TMTC3: variants seen among roughly 807,000 people sequenced by gnomAD.
TMTC3 encodes the protein protein O-mannosyl-transferase TMTC3.
TMTC3 carries 52 observed loss-of-function variants against 92.2 expected under a neutral mutation model. The observed-to-expected ratio is 0.56, with a 90% CI of 0.45 to 0.71. TMTC3 has a LOEUF of 0.71. Among genes scored for constraint, TMTC3 ranks in the 30% least tolerant of loss-of-function variants. TMTC3 has a pLI of 0.00. For synonymous variants in TMTC3, 339 were observed against 363.3 expected (o/e 0.93, Z 0.76); for missense variants, 896 against 1,057.1 (o/e 0.85, Z 2.11).
At position 88,195,877 on chromosome 12, in the gene TMTC3, G is replaced by A. The variant is rs913155837; in HGVS notation, c.*228G>A. ...GTGAATATAGCAGAAATATTACAGC[G>A]GAAGTGACAAATTTACAACTTTTAT... is the stretch of plus-strand genomic sequence containing the variant. On this transcript the variant is annotated 3_prime_UTR_variant, in exon 14 of 14. Coordinates refer to ENST00000266712, the MANE Select transcript of TMTC3 (RefSeq NM_181783.4). 7 of 334,418 alleles carry A rather than the reference G, an allele frequency of 2.1e-5. No homozygotes were observed. The highest frequency in any genetic ancestry group is 4.3e-5 in the African/African-American group (2 of 46,596). 20.7% of individuals were successfully genotyped at this position (334,418 alleles called of 1,614,324 possible). A position where few individuals can be genotyped will look rare whatever the true frequency, so the allele number is the denominator to read the frequency against.
At position 88,166,716 on chromosome 12, in the gene TMTC3, TA is replaced by T. The variant is rs1186685963; in HGVS notation, c.1050+135del. The stretch of plus-strand genomic sequence containing the variant: ...TCAACGGCATCCCAATTTATAAACG[TA>T]TTTGAGTTTATCCCAAAATTCTCAG... On this transcript the variant is annotated intron_variant, in intron 7 of 13. Coordinates refer to ENST00000266712, the MANE Select transcript of TMTC3 (RefSeq NM_181783.4). 1.0e-5 allele frequency: 10 copies of T among 987,924 alleles called. No individual in the cohort carries two copies. In the African/African-American group the frequency reaches 1.3e-4, roughly 13 times the overall value. The allele number at this position is 987,924 out of a possible 1,614,324, so 61.2% of individuals were successfully genotyped here. A position where few individuals can be genotyped will look rare whatever the true frequency, so the allele number is the denominator to read the frequency against.
chr12:88,185,963 T>C (rs934887611), intron 10 of TMTC3, among the ~76,000 whole-genome samples: 2 of 152,178 alleles, frequency 1.3e-5, no homozygotes, highest in Non-Finnish European at 2.9e-5. Flanking sequence ...TACATCTATA[T>C]TTATGAAGGA....
chr12:88,179,024 T>G (rs951388062), intron 10 of TMTC3, among the ~76,000 whole-genome samples: 1 of 152,198 alleles, frequency 6.6e-6, no homozygotes, highest in Non-Finnish European at 1.5e-5. Context: ...TTGCTGTTTT[T>G]GAGATATTTG....
At chr12:88,147,139 T>G (rs927573731) in intron 1 of TMTC3, among the ~76,000 whole-genome samples, 1 of 151,780 alleles carries the variant, frequency 6.6e-6, no homozygotes, top group African/African-American at 2.4e-5. Flanking sequence ...AGCTAATGTA[T>G]CAAGTCTCCA....
At chr12:88,147,969 C>T (rs1361054959) in intron 1 of TMTC3, among the ~76,000 whole-genome samples, 1 of 152,032 alleles carries the variant, frequency 6.6e-6, no homozygotes, top group Non-Finnish European at 1.5e-5. Flanking sequence ...GCTGCCTTTT[C>T]CCTGTTATCA....
intron 10 of TMTC3, among the ~76,000 whole-genome samples, chr12:88,187,359 A>G (rs1282840106): frequency 1.3e-5 from 2 of 152,204 alleles, no homozygotes; most frequent in African/African-American, 4.8e-5. Flanking sequence ...ATTCTACATC[A>G]GAATTGCCTT....
intron 1 of TMTC3, among the ~76,000 whole-genome samples, chr12:88,147,316 A>G (rs1396985479): frequency 6.6e-6 from 1 of 152,108 alleles, no homozygotes; most frequent in Non-Finnish European, 1.5e-5. Context: ...ACAGTTTGTC[A>G]CCCCAAGTGA....
At chr12:88,144,391 C>A (rs1258076162) in intron 1 of TMTC3, among the ~76,000 whole-genome samples, 1 of 151,706 alleles carries the variant, frequency 6.6e-6, no homozygotes, top group African/African-American at 2.4e-5. Flanking sequence ...TCTGTTTTCT[C>A]TAACACCTTT....
chr12:88,174,757 T>C, intron 9 of TMTC3, 30 bp downstream of exon 9: 1 of 1,609,088 alleles, frequency 6.2e-7, no homozygotes, highest in Non-Finnish European at 8.5e-7. Flanking sequence ...GACAGGAAAG[T>C]ATGTCATCAG....
chr12:88,166,200 T>G, intron 6 of TMTC3, 130 bp from the exon 7 acceptor site: 1 of 893,946 alleles, frequency 1.1e-6, no homozygotes, highest in Non-Finnish European at 1.7e-6. Context: ...GAGGTACACA[T>G]AACATTTGTC....
In TMTC3 at chr12:88,153,319, T is replaced by C; in HGVS notation, c.218T>C (p.Leu73Ser). ...AGAAGCCACAAGTCTTACCGTCCCT[T>C]AACAGTATTGACATTTCGCTTAAAT... Reference protein sequence around the residue: ...EERSHKSYRPLTVLTFRLNYL... With the variant: ...EERSHKSYRPSTVLTFRLNYL... Residue 73 changes from leucine to serine, a missense_variant, in exon 3 of 14, where the codon TTA (leucine) becomes TCA (serine). By Grantham distance (145) the Leu-to-Ser change is moderately radical. Coordinates refer to ENST00000266712, the MANE Select transcript of TMTC3 (RefSeq NM_181783.4). The C allele has an allele frequency of 6.2e-7, 1 of 1,613,036 alleles. No individual in the cohort carries two copies. Among genetic ancestry groups the C allele is most frequent in the Non-Finnish European group, 8.5e-7 (1 of 1,179,592 alleles).
chr12:88,197,748 GACC>G lies in TMTC3; in HGVS notation c.*2104_*2106del, dbSNP rs1262539782. The G allele has an allele frequency of 6.6e-6, 1 of 151,834 alleles. No homozygotes were observed. The highest frequency in any genetic ancestry group is 2.4e-5 in the African/African-American group (1 of 41,348). The allele number at this position is 151,834 out of a possible 1,614,324, so 9.4% of individuals were successfully genotyped here. The stretch of plus-strand genomic sequence containing the variant: ...ATTTTAAATAATTTATTTAAATCAA[GACC>G]ACCATAAGTCATTAATAATTTAATA... On this transcript the variant is annotated 3_prime_UTR_variant, in exon 14 of 14. Coordinates refer to ENST00000266712, the MANE Select transcript of TMTC3 (RefSeq NM_181783.4).
At chr12:88,170,396 C>G (rs1265897647) in intron 7 of TMTC3, among the ~76,000 whole-genome samples, 1 of 151,974 alleles carries the variant, frequency 6.6e-6, no homozygotes, top group Non-Finnish European at 1.5e-5. Context: ...ATCTGTTTCA[C>G]ATTTTTTGCT....
chr12:88,148,773 A>T (rs1378894003), intron 2 of TMTC3, among the ~76,000 whole-genome samples: 1 of 151,722 alleles, frequency 6.6e-6, no homozygotes, highest in African/African-American at 2.4e-5. Context: ...ACAGGGCTAC[A>T]TATGCAGATT....
chr12:88,148,986 C>T (rs1400954928), intron 2 of TMTC3, among the ~76,000 whole-genome samples: 2 of 151,874 alleles, frequency 1.3e-5, no homozygotes, highest in African/African-American at 4.8e-5. Context: ...TTTTTTCTGT[C>T]TTGTGAGTAA....
chr12:88,194,304 T>C (rs2041480825), intron 13 of TMTC3, among the ~76,000 whole-genome samples: 1 of 152,212 alleles, frequency 6.6e-6, no homozygotes, highest in African/African-American at 2.4e-5. Flanking sequence ...GAAACATTCC[T>C]AAAACTTTGA....
At chr12:88,187,722 T>G (rs536837969) in intron 10 of TMTC3, among the ~76,000 whole-genome samples, 1 of 152,336 alleles carries the variant, frequency 6.6e-6, no homozygotes, top group South Asian at 2.1e-4. Flanking sequence ...AAGATATATA[T>G]GCTTGGCCCC....
At chr12:88,194,618 T>TA (rs1445791213) in intron 13 of TMTC3, among the ~76,000 whole-genome samples, 31 of 152,304 alleles carry the variant, frequency 2.0e-4, no homozygotes, top group African/African-American at 7.5e-4. Flanking sequence ...GAAGCACTGT[T>TA]ACTGCTTTAA....
chr12:88,144,359 G>A (rs995115032), intron 1 of TMTC3, among the ~76,000 whole-genome samples: 2 of 151,748 alleles, frequency 1.3e-5, no homozygotes, highest in African/African-American at 4.8e-5. Context: ...TGACTACTGC[G>A]TGTTTGTTTT....
Sources: allele counts gnomAD v4.1 joint callset (sites outside exome capture counted in the v4.1 genomes callset), GRCh38; gene constraint gnomAD v4.1.1; transcripts MANE v1.5; gene names NCBI Gene and HGNC (gene_info 2026-07-23, HGNC 2026-07-21).